Variants in NAV1 observed in about 807,000 individuals in gnomAD.
The protein encoded by NAV1 is neuron navigator 1.
NAV1 carries 18 observed loss-of-function variants against 175.2 expected under a neutral mutation model. The ratio of observed to expected loss-of-function variants is 0.10; its 90% CI spans 0.07 to 0.15. The LOEUF is 0.15. Ranked by LOEUF, NAV1 falls within the 10% of genes least tolerant of loss-of-function variation. The pLI is 1.00. For missense variants in NAV1, 1,731 were observed against 2,436.6 expected (o/e 0.71, Z 6.10); for synonymous variants, 897 against 978.7 (o/e 0.92, Z 1.56).
chr1:201,783,519 C>T, exon 7 of NAV1: 1 of 1,614,192 alleles, frequency 6.2e-7, no homozygotes, highest in Non-Finnish European at 8.5e-7. Context: ...TCAAAGGTCC[C>T]AGATCTGCAT....
chr1:201,678,172 T>C (rs1321237215), intron 1 of NAV1, among the ~76,000 whole-genome samples: 1 of 152,092 alleles, frequency 6.6e-6, no homozygotes, highest in East Asian at 1.9e-4. Flanking sequence ...AATATTAATA[T>C]CCCCAAAAGG....
exon 26 of NAV1, chr1:201,811,914 T>C: frequency 6.2e-7 from 1 of 1,614,182 alleles, no homozygotes; most frequent in Non-Finnish European, 8.5e-7. Flanking sequence ...CCCTATATTA[T>C]AGGTACCACC....
At chr1:201,654,197 C>T (rs1669311379) in intron 1 of NAV1, among the ~76,000 whole-genome samples, 1 of 152,186 alleles carries the variant, frequency 6.6e-6, no homozygotes, top group Non-Finnish European at 1.5e-5. Context: ...CTTAAGCCAA[C>T]CCAGGGAGAT....
Position 201,651,122 on chromosome 1 carries a change from C to CGTGTGTGTGTGTGTGTGTGTGTGTGT in NAV1, c.757+1710_757+1735dup, listed in dbSNP as rs60462710. 5.4e-5 allele frequency among the ~76,000 whole-genome samples: 7 copies of CGTGTGTGTGTGTGTGTGTGTGTGTGT among 129,062 alleles called. 1 individual carries two copies. The highest frequency in any genetic ancestry group is 1.0e-4 in the Non-Finnish European group (6 of 59,600). 84.7% of individuals were successfully genotyped at this position (129,062 alleles called of 152,430 possible). A position where few individuals can be genotyped will look rare whatever the true frequency, so the allele number is the denominator to read the frequency against. On this transcript the variant is annotated intron_variant, in intron 1 of 29. Transcript: ENST00000367296. ...AAAGCAGGGTGAGAGAGGAAGGGAC[C>CGTGTGTGTGTGTGTGTGTGTGTGTGT]GTGTGTGTGTGTGTGTGTGTGTGTG...
chr1:201,669,503 C>G (rs911938862), intron 1 of NAV1, among the ~76,000 whole-genome samples: 2 of 152,122 alleles, frequency 1.3e-5, no homozygotes, highest in African/African-American at 2.4e-5. Context: ...AGAGGGTGGG[C>G]TGGGCCAAAC....
intron 10 of NAV1, among the ~76,000 whole-genome samples, chr1:201,789,238 C>T (rs959079625): frequency 5.9e-5 from 9 of 152,100 alleles, no homozygotes; most frequent in Non-Finnish European, 1.3e-4. Flanking sequence ...TAGTTCTCAC[C>T]ATAGGTTCTA....
At chr1:201,555,136 A>C (rs1325216724) in intron 1 of NAV1, among the ~76,000 whole-genome samples, 1 of 152,150 alleles carries the variant, frequency 6.6e-6, no homozygotes, top group Non-Finnish European at 1.5e-5. Context: ...ATCTTCACTA[A>C]TTACTTCTTC....
intron 1 of NAV1, among the ~76,000 whole-genome samples, chr1:201,574,095 A>G (rs494629): frequency 5.9e-5 from 9 of 151,728 alleles, no homozygotes; most frequent in African/African-American, 2.2e-4. Flanking sequence ...AAATAAACTG[A>G]AGAGTTCTAT....
intron 2 of NAV1, among the ~76,000 whole-genome samples, chr1:201,601,806 T>A (rs1265921046): frequency 6.6e-6 from 1 of 152,144 alleles, no homozygotes; most frequent in Non-Finnish European, 1.5e-5. Flanking sequence ...TAGAACAGAC[T>A]AAGAGAAGGG....
At chr1:201,601,289 T>C (rs1667502157) in intron 2 of NAV1, among the ~76,000 whole-genome samples, 1 of 152,146 alleles carries the variant, frequency 6.6e-6, no homozygotes, top group Admixed American at 6.5e-5. Context: ...CAAAACCAGC[T>C]TGAGCAACAC....
chr1:201,547,936 G>A (rs1665716392), intron 1 of NAV1, among the ~76,000 whole-genome samples: 1 of 152,128 alleles, frequency 6.6e-6, no homozygotes, highest in Non-Finnish European at 1.5e-5. Flanking sequence ...TGGGATTACG[G>A]GCACCTGCCA....
chr1:201,637,956 C>G (rs968887625), intron 2 of NAV1, among the ~76,000 whole-genome samples: 1 of 152,210 alleles, frequency 6.6e-6, no homozygotes, highest in Non-Finnish European at 1.5e-5. Context: ...TGGGAAACAT[C>G]TGGACTTCTT....
chr1:201,766,531 C>CT (rs11330117), intron 3 of NAV1, among the ~76,000 whole-genome samples: 6 of 151,978 alleles, frequency 3.9e-5, no homozygotes, highest in Non-Finnish European at 8.8e-5. Context: ...CTTCTATTAT[C>CT]TTTTTTTTAA....
At chr1:201,746,143 T>G (rs1039328736) in intron 3 of NAV1, among the ~76,000 whole-genome samples, 1 of 152,022 alleles carries the variant, frequency 6.6e-6, no homozygotes, top group African/African-American at 2.4e-5. Flanking sequence ...TTTAGACATA[T>G]CTATATATAT....
chr1:201,706,665 G>C (rs1429320286), intron 1 of NAV1, among the ~76,000 whole-genome samples: 1 of 152,140 alleles, frequency 6.6e-6, no homozygotes, highest in Non-Finnish European at 1.5e-5. Context: ...CCTTCTGTTG[G>C]TTCCCACCTC....
intron 25 of NAV1, 50 bp from the exon 30 acceptor site, chr1:201,811,853 C>A (rs1156272200): frequency 6.2e-7 from 1 of 1,612,350 alleles, no homozygotes; most frequent in Admixed American, 1.7e-5. Flanking sequence ...TGGCAGAAAG[C>A]AAGTGTGAAG....
rs143644173 is a variant in NAV1 at position 201,787,115 on chromosome 1, C to A, written c.2995+538C>A. 8.5e-5 allele frequency among the ~76,000 whole-genome samples: 13 copies of A among 152,286 alleles called. No individual in the cohort carries two copies. In the East Asian group the frequency reaches 1.4e-3, roughly 16 times the overall value. ...TCAGATGTGTCCTGGCCACCCCCTT[C>A]CTAAAGCCTAGGGAGAAAGGAGAGC... is the stretch of plus-strand genomic sequence containing the variant. On this transcript the variant is annotated intron_variant, in intron 9 of 29. Coordinates refer to ENST00000367296, the Ensembl canonical transcript of NAV1. The surrounding 1 kb of genome is among the most constrained non-coding windows in gnomAD (Gnocchi z 4.3).
At position 201,740,670 on chromosome 1, in the gene NAV1, G is replaced by A. The variant is rs1673364413; in HGVS notation, c.1226+21915G>A. Among the ~76,000 whole-genome samples the A allele has an allele frequency of 1.3e-5, 2 of 152,194 alleles. No individual in the cohort carries two copies. Among genetic ancestry groups the A allele is most frequent in the South Asian group, 4.1e-4 (2 of 4,828 alleles). The stretch of plus-strand genomic sequence containing the variant: ...TGGCTGGATACTTCCGAGAGAGAGT[G>A]AAGCCTGGTGCTCTACCCTGGGAAG... On this transcript the variant is annotated intron_variant, in intron 3 of 29. Transcript: ENST00000367296. This position sits in a 1 kb window ranked among gnomAD's most constrained non-coding sequence, Gnocchi z 4.7.
chr1:201,666,650 C>T (rs1669835643), intron 1 of NAV1, among the ~76,000 whole-genome samples: 1 of 152,224 alleles, frequency 6.6e-6, no homozygotes, highest in African/African-American at 2.4e-5. Flanking sequence ...CCTTGGCTTA[C>T]TGCCTGCCTG....
Sources: gnomAD v4.1 joint callset for allele counts (sites outside exome capture counted in the v4.1 genomes callset) on GRCh38, gnomAD v4.1.1 for gene constraint, Gnocchi (gnomAD v3.1) non-coding constraint, MANE v1.5 for transcripts, NCBI Gene and HGNC (gene_info 2026-07-23, HGNC 2026-07-21) for gene names.